The following LARP4B variants were observed in gnomAD, a reference collection of about 807,000 sequenced individuals.
LARP4B encodes la-related protein 4B.
A neutral mutation model predicts 89.8 loss-of-function variants in LARP4B; 12 were observed. The observed-to-expected ratio is 0.13, with a 90% CI of 0.09 to 0.22. The LOEUF (loss-of-function observed/expected upper bound fraction) is 0.22. Ranked by LOEUF, LARP4B falls within the 10% of genes least tolerant of loss-of-function variation. LARP4B has a pLI of 1.00. For missense variants in LARP4B, 757 were observed against 947.7 expected (o/e 0.80, Z 2.64); for synonymous variants, 367 against 363.3 (o/e 1.01, Z -0.12).
chr10:890,816 CCT>C (rs1293041550), intron 1 of LARP4B, among the ~76,000 whole-genome samples: 1 of 152,010 alleles, frequency 6.6e-6, no homozygotes, highest in Admixed American at 6.6e-5. Flanking sequence ...GCTCCCACTC[CCT>C]GAGGGGGTTT....
chr10:884,583 G>C lies in LARP4B; in HGVS notation c.82-77C>G, dbSNP rs1835794216. 4 of 923,818 alleles carry C rather than the reference G, an allele frequency of 4.3e-6. No individual in the cohort carries two copies. In the Admixed American group the frequency reaches 8.0e-5, roughly 19 times the overall value. The allele number at this position is 923,818 out of a possible 1,614,324, so 57.2% of individuals were successfully genotyped here. A position where few individuals can be genotyped will look rare whatever the true frequency, so the allele number is the denominator to read the frequency against. On this transcript the variant is annotated intron_variant, in intron 2 of 17. Transcript: ENST00000316157. ...ACATATTTTCAAACCACAGTAATTA[G>C]GCAAAACTAAACCCACCAAGAAATG...
the LARP4B span, among the ~76,000 whole-genome samples, chr10:959,424 C>T: frequency 2.5e-5 from 3 of 118,456 alleles, no homozygotes; most frequent in Non-Finnish European, 5.7e-5. Flanking sequence ...TCCACCTCCC[C>T]GTCAATCCAC....
intron 14 of LARP4B, chr10:818,101 G>A: frequency 2.0e-6 from 1 of 510,252 alleles, no homozygotes; most frequent in Non-Finnish European, 3.5e-6. Context: ...TGCTGCCCAA[G>A]AGATGTGTCA....
intron 1 of LARP4B, among the ~76,000 whole-genome samples, chr10:892,571 G>A (rs964316342): frequency 2.6e-5 from 4 of 151,188 alleles, no homozygotes; most frequent in African/African-American, 7.3e-5. Context: ...ATAGAGTATC[G>A]CTCTGTTGCG....
chr10:869,706 G>A (rs944394618), intron 3 of LARP4B, among the ~76,000 whole-genome samples: 3 of 151,808 alleles, frequency 2.0e-5, no homozygotes, highest in East Asian at 1.9e-4. Flanking sequence ...GGCCAACATG[G>A]CGAAATCCCA....
chr10:919,240 T>C (rs1435263641), intron 1 of LARP4B, among the ~76,000 whole-genome samples: 1 of 152,116 alleles, frequency 6.6e-6, no homozygotes, highest in South Asian at 2.1e-4. Flanking sequence ...CCCAAATACA[T>C]CATGTTATTT....
chr10:944,830 A>G, the LARP4B span, among the ~76,000 whole-genome samples: 3 of 152,032 alleles, frequency 2.0e-5, no homozygotes, highest in African/African-American at 7.3e-5. Context: ...GGTTGGCTCA[A>G]GTCGGCGTCT....
At position 843,693 on chromosome 10, in the gene LARP4B, C is replaced by CT. The variant is rs1833639960; in HGVS notation, c.510-626dup. 2.0e-5 allele frequency among the ~76,000 whole-genome samples: 3 copies of CT among 151,762 alleles called. No homozygotes were observed. The South Asian group carries it at 6.2e-4, about 32-fold the overall frequency. ...TAGCCTGGGCGACAAGAGTGAAACT[C>CT]TGACTCAAAAAAAAAGAAAGAAAAA... On this transcript the variant is annotated intron_variant, in intron 6 of 17. Coordinates refer to ENST00000316157, the MANE Select transcript of LARP4B (RefSeq NM_015155.3).
At chr10:935,964 G>A (rs542564521), upstream of LARP4B, among the ~76,000 whole-genome samples, 2 of 150,982 alleles carry the variant, frequency 1.3e-5, no homozygotes, top group East Asian at 3.9e-4. Context: ...GGCTGGTCTC[G>A]AACTCCTGAC....
the LARP4B span, among the ~76,000 whole-genome samples, chr10:948,017 G>A: frequency 6.6e-6 from 1 of 151,938 alleles, no homozygotes. Flanking sequence ...CCTGAGACCT[G>A]AGGAGGGCAG....
intron 6 of LARP4B, among the ~76,000 whole-genome samples, chr10:844,683 A>T (rs1362197540): frequency 6.6e-6 from 1 of 152,148 alleles, no homozygotes; most frequent in African/African-American, 2.4e-5. Flanking sequence ...AACGTGGCAC[A>T]CTTGTTCTCC....
chr10:900,420 C>CTTTTTTTTTTTTTTTT lies in LARP4B; in HGVS notation c.-39-14676_-39-14661dup, dbSNP rs529963345. 4.6e-4 allele frequency among the ~76,000 whole-genome samples: 21 copies of CTTTTTTTTTTTTTTTT among 45,244 alleles called. 7 individuals are homozygous for CTTTTTTTTTTTTTTTT. The highest frequency in any genetic ancestry group is 1.3e-3 in the African/African-American group (15 of 11,570). The allele number at this position is 45,244 out of a possible 152,430, so 29.7% of individuals were successfully genotyped here. A position where few individuals can be genotyped will look rare whatever the true frequency, so the allele number is the denominator to read the frequency against. ...ATTCTAGGATCGGAAAGAAGGATGT[C>CTTTTTTTTTTTTTTTT]TTTTTTTTTTTTTTTTTTTTTTTTT... On this transcript the variant is annotated intron_variant, in intron 1 of 17. Coordinates refer to ENST00000316157, the MANE Select transcript of LARP4B (RefSeq NM_015155.3).
the LARP4B span, among the ~76,000 whole-genome samples, chr10:950,712 A>C: frequency 2.6e-5 from 4 of 152,168 alleles, no homozygotes; most frequent in Admixed American, 6.5e-5. Context: ...GATCCTGTAC[A>C]TGTCTTAGAT....
chr10:836,502 T>C lies in LARP4B; in HGVS notation c.651A>G (p.Leu217=), dbSNP rs1048962037. The C allele has an allele frequency of 1.9e-6, 3 of 1,600,390 alleles. No homozygotes were observed. Among genetic ancestry groups the C allele is most frequent in the African/African-American group, 1.3e-5 (1 of 74,636 alleles). Residue 217 remains leucine (L), a synonymous_variant, in exon 8 of 18, where the codon TTA becomes TTG. Transcript: ENST00000316157. The part of the protein sequence containing the change: ...VDLIVEVLRS[L]PLVQVDEKGE... ...CCTTTTCATCCACTTGGACTAAAGG[T>C]AAAGCTACAAAGAGAAGAAAAATCA...
chr10:825,685 T>C (rs1832581443), intron 12 of LARP4B, 79 bp downstream of exon 12: 6 of 906,778 alleles, frequency 6.6e-6, no homozygotes, highest in East Asian at 2.6e-5. Context: ...GCAGGACTAG[T>C]GATCAAAGCT....
At chr10:932,654 C>A (rs1419428484), upstream of LARP4B, among the ~76,000 whole-genome samples, 2 of 146,542 alleles carry the variant, frequency 1.4e-5, no homozygotes, top group Admixed American at 6.7e-5. Context: ...AACTCCCACC[C>A]CACACCCGGG....
At chr10:961,757 G>T in the LARP4B span, among the ~76,000 whole-genome samples, 254 of 152,254 alleles carry the variant, frequency 1.7e-3, no homozygotes, top group Non-Finnish European at 2.3e-3. Flanking sequence ...ATGAGCTCTT[G>T]GGGGAACTCA....
intron 1 of LARP4B, among the ~76,000 whole-genome samples, chr10:930,538 C>A (rs1180320668): frequency 6.6e-6 from 1 of 152,140 alleles, no homozygotes; most frequent in African/African-American, 2.4e-5. Flanking sequence ...AGGGGAAAAG[C>A]AAAATTACAT....
chr10:907,892 G>A (rs1276960786), intron 1 of LARP4B, among the ~76,000 whole-genome samples: 1 of 152,188 alleles, frequency 6.6e-6, no homozygotes, highest in Admixed American at 6.5e-5. Flanking sequence ...CAGCAATCAT[G>A]CCTATGTAAC....
Sources: gnomAD v4.1 joint callset for allele counts (sites outside exome capture counted in the v4.1 genomes callset) on GRCh38, gnomAD v4.1.1 for gene constraint, MANE v1.5 for transcripts, NCBI Gene and HGNC (gene_info 2026-07-23, HGNC 2026-07-21) for gene names.